The following PLCB4 variants were observed in gnomAD, a reference collection of about 807,000 sequenced individuals.
PLCB4 encodes the protein phospholipase C beta 4, also known as 1-phosphatidylinositol 4,5-bisphosphate phosphodiesterase beta-4.
A neutral mutation model predicts 178.8 loss-of-function variants in PLCB4; 77 were observed. The observed-to-expected ratio is 0.43, with a 90% confidence interval of 0.36 to 0.52. The LOEUF (loss-of-function observed/expected upper bound fraction) is 0.52. Ranked by LOEUF, PLCB4 falls within the 20% of genes least tolerant of loss-of-function variation. The pLI is 0.00. For missense variants in PLCB4, 1,024 were observed against 1,453.4 expected, an observed-to-expected ratio of 0.70 and a Z score of 4.80; for synonymous variants, 496 against 490.8, an observed-to-expected ratio of 1.01 and a Z score of -0.14.
intron 2 of PLCB4, among the ~76,000 whole-genome samples, chr20:9,174,565 C>T (rs1012125252): frequency 1.3e-5 from 2 of 151,484 alleles, no homozygotes; most frequent in Middle Eastern, 3.2e-3. Context: ...TGTTTCTTCC[C>T]TCCTTGGTCC....
chr20:9,332,003 G>A (rs552508925), intron 4 of PLCB4, among the ~76,000 whole-genome samples: 9 of 152,288 alleles, frequency 5.9e-5, no homozygotes, highest in African/African-American at 2.2e-4. Context: ...TAAGAGTTGG[G>A]CTGGATGAGC....
At chr20:9,312,926 C>T (rs2094853288) in intron 4 of PLCB4, among the ~76,000 whole-genome samples, 1 of 152,142 alleles carries the variant, frequency 6.6e-6, no homozygotes, top group African/African-American at 2.4e-5. Flanking sequence ...AGAATAACAG[C>T]AGAAAAATGC....
chr20:9,457,818 T>C (rs2043148841), intron 34 of PLCB4, among the ~76,000 whole-genome samples: 1 of 152,208 alleles, frequency 6.6e-6, no homozygotes, highest in Non-Finnish European at 1.5e-5. Context: ...TATACTTCCC[T>C]ATAGAAATAA....
chr20:9,222,715 C>T (rs2093815019), intron 3 of PLCB4, among the ~76,000 whole-genome samples: 1 of 152,108 alleles, frequency 6.6e-6, no homozygotes, highest in African/African-American at 2.4e-5. Context: ...GTACTTAAAA[C>T]GGCTTTCAAG....
intron 32 of PLCB4, among the ~76,000 whole-genome samples, chr20:9,449,233 C>T (rs917084270): frequency 9.2e-5 from 14 of 152,144 alleles, no homozygotes; most frequent in African/African-American, 3.4e-4. Context: ...CAGTTACTTT[C>T]ATTAAGAGAC....
chr20:9,462,610 C>T (rs578086918), intron 35 of PLCB4, among the ~76,000 whole-genome samples: 52 of 152,208 alleles, frequency 3.4e-4, no homozygotes, highest in African/African-American at 3.9e-4. Flanking sequence ...ACGAGAGCTT[C>T]GTGACACATG....
chr20:9,395,704 C>G (rs2038525447), intron 19 of PLCB4, 86 bp downstream of exon 19: 1 of 956,634 alleles, frequency 1.0e-6, no homozygotes, highest in Non-Finnish European at 1.6e-6. Context: ...TGGCTCAAGC[C>G]CATAATCCCA....
Position 9,459,629 on chromosome 20 carries a change from A to C in PLCB4, c.3073-6A>C. ...ACAATGGCACCGTCCCCTTTTTCCC[A>C]AACAGGTCAAAGAGATTGTAGCACA... is the stretch of plus-strand genomic sequence containing the variant. On this transcript the variant is annotated splice_region_variant and splice_polypyrimidine_tract_variant and intron_variant, in intron 34 of 39. Coordinates refer to ENST00000378473, the MANE Select transcript of PLCB4 (RefSeq NM_001377142.1). 1 of 1,586,794 alleles carries C rather than the reference A, an allele frequency of 6.3e-7. No individual in the cohort carries two copies.
At position 9,419,807 on chromosome 20, in the gene PLCB4, G is replaced by A. The variant is rs2040500803; in HGVS notation, c.2052G>A (p.Gly684=). 6.2e-7 allele frequency: 1 copy of A among 1,603,764 alleles called. No individual in the cohort carries two copies. The highest frequency in any genetic ancestry group is 1.3e-5 in the African/African-American group (1 of 74,786). Reference sequence around the variant, plus strand: ...AACTTCTATGCTATTGTCCTACCAGGTACCTTCTCAAACCAGATTTCATGA... The same window carrying A: ...AACTTCTATGCTATTGTCCTACCAGATACCTTCTCAAACCAGATTTCATGA... The part of the protein sequence containing the change: ...QGKFEYNGSC[G]YLLKPDFMRR... Residue 684 remains glycine, a splice_region_variant and synonymous_variant, in exon 26 of 40, where the codon GGG becomes GGA. Transcript: ENST00000378473.
intron 9 of PLCB4, among the ~76,000 whole-genome samples, chr20:9,366,203 A>G (rs1244085861): frequency 6.6e-6 from 1 of 151,992 alleles, no homozygotes; most frequent in Non-Finnish European, 1.5e-5. Context: ...CCCTGCTAAC[A>G]CAGTGAAACT....
intron 27 of PLCB4, among the ~76,000 whole-genome samples, 159 bp from the exon 28 acceptor site, chr20:9,423,589 G>A (rs1208638065): frequency 6.6e-6 from 1 of 152,182 alleles, no homozygotes. Flanking sequence ...GGGCACTGTA[G>A]CTCATGCAGT....
At chr20:9,256,589 C>T (rs2094238662) in intron 3 of PLCB4, among the ~76,000 whole-genome samples, 1 of 152,144 alleles carries the variant, frequency 6.6e-6, no homozygotes, top group Non-Finnish European at 1.5e-5. Context: ...GTTGGGTGGG[C>T]AAGTTGCACA....
chr20:9,229,792 T>C (rs1427901618), intron 3 of PLCB4, among the ~76,000 whole-genome samples: 3 of 152,008 alleles, frequency 2.0e-5, no homozygotes, highest in Non-Finnish European at 4.4e-5. Context: ...GCACAAGTCA[T>C]CCCATCACCT....
At chr20:9,127,696 A>G (rs1258012885) in intron 2 of PLCB4, among the ~76,000 whole-genome samples, 1 of 151,586 alleles carries the variant, frequency 6.6e-6, no homozygotes, top group Non-Finnish European at 1.5e-5. Flanking sequence ...CCATCCATCC[A>G]TCTATCTAAA....
At chr20:9,368,446 G>C (rs2035962069) in intron 9 of PLCB4, among the ~76,000 whole-genome samples, 1 of 152,114 alleles carries the variant, frequency 6.6e-6, no homozygotes, top group South Asian at 2.1e-4. Context: ...CCAATGACTA[G>C]AAAATTGGGA....
chr20:9,077,364 A>G (rs2089921551), intron 1 of PLCB4, among the ~76,000 whole-genome samples: 1 of 152,194 alleles, frequency 6.6e-6, no homozygotes, highest in Non-Finnish European at 1.5e-5. Flanking sequence ...TTGACAGAGC[A>G]CTGATGAATT....
chr20:9,246,595 G>A (rs2094129043), intron 3 of PLCB4, among the ~76,000 whole-genome samples: 1 of 151,792 alleles, frequency 6.6e-6, no homozygotes, highest in South Asian at 2.1e-4. Flanking sequence ...GGCATCTTGA[G>A]GACAGCACTG....
chr20:9,245,343 C>T (rs975505623), intron 3 of PLCB4, among the ~76,000 whole-genome samples: 1 of 151,794 alleles, frequency 6.6e-6, no homozygotes, highest in South Asian at 2.1e-4. Flanking sequence ...TGGGGGTAGG[C>T]CAAAAAAGGG....
intron 4 of PLCB4, among the ~76,000 whole-genome samples, chr20:9,328,263 A>T (rs2031039706): frequency 6.6e-6 from 1 of 152,174 alleles, no homozygotes; most frequent in Non-Finnish European, 1.5e-5. Flanking sequence ...TAGAAAACAC[A>T]AGTTGTTGTA....
Sources: gnomAD v4.1 joint callset for allele counts (sites outside exome capture counted in the v4.1 genomes callset) on GRCh38, gnomAD v4.1.1 for gene constraint, MANE v1.5 for transcripts, NCBI Gene and HGNC (gene_info 2026-07-23, HGNC 2026-07-21) for gene names.